SPATA7: variants seen among roughly 807,000 people sequenced by gnomAD.
SPATA7 encodes spermatogenesis associated 7, also known as spermatogenesis-associated protein 7.
Under a neutral mutation model 51.8 loss-of-function variants are expected in SPATA7, and 43 were observed. The observed-to-expected ratio is 0.83, with a 90% CI of 0.65 to 1.07. SPATA7 has a LOEUF of 1.07. Ranked by LOEUF, SPATA7 falls within the 50% of genes least tolerant of loss-of-function variation. The pLI, the probability that SPATA7 is intolerant of heterozygous loss-of-function variation, is 0.00. For synonymous variants in SPATA7, 230 were observed against 252.8 expected (o/e 0.91, Z 0.86); for missense variants, 683 against 701.3 (o/e 0.97, Z 0.30).
At chr14:88,470,049 A>T (rs951516840) in exon 5 of SPATA7, 1 of 1,612,384 alleles carries the variant, frequency 6.2e-7, no homozygotes, top group Non-Finnish European at 8.5e-7. Flanking sequence ...ACTGACAGAG[A>T]CCTGGGATTA....
rs1182554929 is a variant in SPATA7, at chr14:88,429,390, C to T, written c.955C>T (p.Pro319Ser). Residue 319 changes from proline (P) to serine (S), a missense_variant, in exon 8 of 12, where the codon CCT (proline) becomes TCT (serine). By Grantham distance (74) the Pro-to-Ser change is moderately conservative. Transcript: ENST00000393545. ...VTYDAKEKIA[P>S]LPLEGHDSTW... is the part of the protein sequence containing the mutation. ...ATATGATGCCAAAGAAAAAATAGCT[C>T]CTTTACCTTTAGAAGGGCATGACTC... 6.2e-7 allele frequency: 1 copy of T among 1,612,516 alleles called. No individual in the cohort carries two copies. Among genetic ancestry groups the T allele is most frequent in the Non-Finnish European group, 8.5e-7 (1 of 1,179,014 alleles).
Position 88,469,801 on chromosome 14 carries a change from A to G in SPATA7, c.255-46A>G. The stretch of plus-strand genomic sequence containing the variant: ...TGGATGCCTTTCTCACATAGACGGC[A>G]CATCTGAAACAGAACCACAACCCTA... On this transcript the variant is annotated intron_variant, in intron 4 of 4. Coordinates refer to the SPATA7 transcript ENST00000556406. This position sits in a 1 kb window ranked among gnomAD's most constrained non-coding sequence, Gnocchi z 4.3. 6.3e-7 allele frequency: 1 copy of G among 1,597,262 alleles called. No homozygotes were observed. Among genetic ancestry groups the G allele is most frequent in the Non-Finnish European group, 8.6e-7 (1 of 1,164,942 alleles).
chr14:88,466,013 A>G (rs2140068588), intron 4 of SPATA7: 1 of 151,942 alleles, frequency 6.6e-6, no homozygotes, highest in East Asian at 1.9e-4. Flanking sequence ...TCAACGAGCT[A>G]TGTCAAACTG....
At chr14:88,396,125 A>G (rs1343661921) in intron 3 of SPATA7, 31 bp from the exon 4 acceptor site, 1 of 1,567,512 alleles carries the variant, frequency 6.4e-7, no homozygotes, top group Non-Finnish European at 8.8e-7. Flanking sequence ...AATACTGACA[A>G]TATTATTAAA....
chr14:88,429,068 A>C (rs1396387748), intron 7 of SPATA7: 1 of 228,524 alleles, frequency 4.4e-6, no homozygotes, highest in African/African-American at 2.3e-5. Flanking sequence ...AAAAGTTGAA[A>C]ATTTGCTTCA....
intron 10 of SPATA7, among the ~76,000 whole-genome samples, chr14:88,433,792 C>T (rs1376924485): frequency 6.6e-6 from 1 of 152,118 alleles, no homozygotes; most frequent in Admixed American, 6.6e-5. Context: ...ATTATGTATA[C>T]TACTTGCTTT....
intron 1 of SPATA7, among the ~76,000 whole-genome samples, chr14:88,388,105 G>C (rs57361735): frequency 0.035 from 5,350 of 152,104 alleles, 305 homozygotes; most frequent in African/African-American, 0.12. Context: ...GGGAGGCTAA[G>C]GCAGGAGAAT....
chr14:88,444,009 T>C (rs1388025726), intron 3 of SPATA7, among the ~76,000 whole-genome samples: 7 of 152,100 alleles, frequency 4.6e-5, no homozygotes, highest in African/African-American at 1.4e-4. Context: ...AGTAATGGGA[T>C]GGCTGGGTCA....
intron 4 of SPATA7, among the ~76,000 whole-genome samples, chr14:88,461,416 C>T (rs892578709): frequency 3.3e-5 from 5 of 152,158 alleles, no homozygotes; most frequent in African/African-American, 1.2e-4. Flanking sequence ...TGGTGGATGC[C>T]CCTCCCCCAG....
intron 5 of SPATA7, among the ~76,000 whole-genome samples, chr14:88,417,123 C>T (rs1207241346): frequency 6.6e-6 from 1 of 152,090 alleles, no homozygotes. Flanking sequence ...TTATAGTTTG[C>T]AGACCCCAGT....
chr14:88,457,681 A>G (rs1595318815), downstream of SPATA7, among the ~76,000 whole-genome samples: 2 of 152,284 alleles, frequency 1.3e-5, no homozygotes. Flanking sequence ...CACAGGGACA[A>G]TTTGACTTCC....
downstream of SPATA7, among the ~76,000 whole-genome samples, chr14:88,439,861 C>G (rs751429686): frequency 6.6e-6 from 1 of 152,152 alleles, no homozygotes; most frequent in Non-Finnish European, 1.5e-5. Context: ...CCAACTCACC[C>G]TGCTACAACC....
chr14:88,408,388 C>T (rs577536226), intron 4 of SPATA7, among the ~76,000 whole-genome samples: 35 of 152,250 alleles, frequency 2.3e-4, no homozygotes, highest in African/African-American at 8.2e-4. Flanking sequence ...AATGGGAGTT[C>T]ACTCATGATT....
chr14:88,468,927 C>G (rs1349093529), intron 4 of SPATA7: 1 of 1,614,170 alleles, frequency 6.2e-7, no homozygotes, highest in Non-Finnish European at 8.5e-7. Context: ...TCATTGTGTT[C>G]CAGGCAGGCG....
intron 4 of SPATA7, chr14:88,414,873 T>C (rs1363062900): frequency 5.0e-6 from 1 of 198,988 alleles, no homozygotes; most frequent in Non-Finnish European, 1.1e-5. Flanking sequence ...TGAGGAGTAC[T>C]CTTGGTATTG....
intron 1 of SPATA7, among the ~76,000 whole-genome samples, chr14:88,389,127 TACACAGG>T (rs912969831): frequency 1.3e-5 from 2 of 150,358 alleles, no homozygotes; most frequent in Non-Finnish European, 3.0e-5. Flanking sequence ...ATGTGACCTA[TACACAGG>T]ACACAAAGGA....
intron 8 of SPATA7, among the ~76,000 whole-genome samples, chr14:88,430,547 G>T (rs1179863298): frequency 1.3e-5 from 2 of 152,132 alleles, no homozygotes; most frequent in East Asian, 3.9e-4. Flanking sequence ...TTATCATGAT[G>T]ACCACCTTTA....
chr14:88,398,945 G>A lies in SPATA7; in HGVS notation c.238+2742G>A, dbSNP rs964417362. On this transcript the variant is annotated intron_variant, in intron 4 of 11. Transcript: ENST00000393545. ...CAGGCGCCTGTAGTCCCAGCTGCTC[G>A]GGAGGCTGAGGCAGGAGAATGGCGT... Among the ~76,000 whole-genome samples, 40 of 151,750 alleles carry A rather than the reference G, an allele frequency of 2.6e-4. 1 individual carries two copies. The highest frequency in any genetic ancestry group is 1.9e-4 in the East Asian group (1 of 5,144).
chr14:88,415,140 A>G, intron 4 of SPATA7: 1 of 226,540 alleles, frequency 4.4e-6, no homozygotes, highest in Non-Finnish European at 9.5e-6. Context: ...GGGTCTATCT[A>G]ACACTGCCAG....
Sources: gnomAD v4.1 joint callset for allele counts (sites outside exome capture counted in the v4.1 genomes callset) on GRCh38, gnomAD v4.1.1 for gene constraint, Gnocchi (gnomAD v3.1) non-coding constraint, MANE v1.5 for transcripts, NCBI Gene and HGNC (gene_info 2026-07-23, HGNC 2026-07-21) for gene names.